PPARG: variants seen among roughly 807,000 people sequenced by gnomAD.
PPARG encodes peroxisome proliferator-activated receptor gamma.
A neutral mutation model predicts 39.2 loss-of-function variants in PPARG; 17 were observed. The observed-to-expected ratio is 0.43, with a 90% CI of 0.30 to 0.65. The LOEUF (loss-of-function observed/expected upper bound fraction) is 0.65. Among genes scored for constraint, PPARG ranks in the 30% least tolerant of loss-of-function variants. The probability of loss-of-function intolerance (pLI) is 0.13; values close to 1 mark genes in which losing one functional copy is unlikely to be tolerated. For synonymous variants in PPARG, 223 were observed against 215.7 expected (o/e 1.03, Z -0.30); for missense variants, 406 against 585.9 (o/e 0.69, Z 3.17).
chr3:12,351,647 G>T, intron 2 of PPARG: 3 of 1,611,180 alleles, frequency 1.9e-6, no homozygotes, highest in Non-Finnish European at 2.5e-6. Flanking sequence ...TTCCTTCACT[G>T]ATACACTGTC....
chr3:12,334,244 TC>T (rs200959193), intron 2 of PPARG, among the ~76,000 whole-genome samples: 38 of 150,446 alleles, frequency 2.5e-4, no homozygotes, highest in Admixed American at 4.6e-4. Context: ...TTTTTTTTTT[TC>T]TTTGAGACAG....
At chr3:12,359,794 C>T (rs1369152720) in intron 2 of PPARG, among the ~76,000 whole-genome samples, 1 of 151,666 alleles carries the variant, frequency 6.6e-6, no homozygotes, top group African/African-American at 2.4e-5. Context: ...CCTGCCTCAG[C>T]CTCCCGAGTA....
chr3:12,426,122 A>C (rs1259555810), intron 7 of PPARG, among the ~76,000 whole-genome samples: 1 of 152,124 alleles, frequency 6.6e-6, no homozygotes, highest in African/African-American at 2.4e-5. Flanking sequence ...CAAAGAAAAC[A>C]TTGGCTGGTT....
Position 12,333,777 on chromosome 3 carries a change from C to T in PPARG, c.-9+21324C>T, listed in dbSNP as rs76574073. On this transcript the variant is annotated intron_variant, in intron 2 of 7. Transcript: ENST00000651735. ...AGTCAGACAACAGACTTTGTTCATACGACATTAGTGACTGAGGTTCTGTTG... is the reference window on the plus strand; with the variant it reads ...AGTCAGACAACAGACTTTGTTCATATGACATTAGTGACTGAGGTTCTGTTG... Among the ~76,000 whole-genome samples, 1,019 of 152,182 alleles carry T rather than the reference C, an allele frequency of 6.7e-3. 5 individuals carry two copies. The highest frequency in any genetic ancestry group is 9.7e-3 in the Non-Finnish European group (659 of 68,002).
chr3:12,317,837 A>G (rs1479320795), intron 2 of PPARG, among the ~76,000 whole-genome samples: 2 of 152,230 alleles, frequency 1.3e-5, no homozygotes, highest in East Asian at 3.8e-4. Context: ...ATATTTTGGA[A>G]ATACATTTAA....
chr3:12,371,216 C>T (rs910514895), intron 2 of PPARG, among the ~76,000 whole-genome samples: 1 of 152,090 alleles, frequency 6.6e-6, no homozygotes, highest in South Asian at 2.1e-4. Context: ...TAATATTCTA[C>T]AGATGGAGAT....
chr3:12,350,318 T>C (rs1012720500), intron 2 of PPARG, among the ~76,000 whole-genome samples: 1 of 152,182 alleles, frequency 6.6e-6, no homozygotes, highest in African/African-American at 2.4e-5. Context: ...TATTCCGTGA[T>C]GTTCAGACCC....
intron 1 of PPARG, among the ~76,000 whole-genome samples, chr3:12,309,949 G>A (rs2047179480): frequency 2.6e-5 from 4 of 152,194 alleles, no homozygotes; most frequent in Admixed American, 2.6e-4. Context: ...TGGGTAGGGT[G>A]TTTATAATCG....
At chr3:12,427,254 C>A (rs1477909301) in intron 7 of PPARG, among the ~76,000 whole-genome samples, 2 of 61,906 alleles carry the variant, frequency 3.2e-5, no homozygotes, top group Admixed American at 3.3e-4. Flanking sequence ...ATCATTTCTT[C>A]AAGGAAGTAG....
chr3:12,296,106 A>G (rs1326651588), intron 1 of PPARG, among the ~76,000 whole-genome samples: 1 of 150,750 alleles, frequency 6.6e-6, no homozygotes, highest in Non-Finnish European at 1.5e-5. Context: ...ACAAAAATTA[A>G]CTGGGCGTGG....
At chr3:12,346,272 T>C (rs897546320) in intron 2 of PPARG, among the ~76,000 whole-genome samples, 3 of 152,180 alleles carry the variant, frequency 2.0e-5, no homozygotes, top group Non-Finnish European at 2.9e-5. Flanking sequence ...TTTTATACTG[T>C]CACCTAGGTA....
At chr3:12,344,487 T>A (rs532510558) in intron 2 of PPARG, among the ~76,000 whole-genome samples, 1 of 152,342 alleles carries the variant, frequency 6.6e-6, no homozygotes, top group South Asian at 2.1e-4. Flanking sequence ...GCCTGTGGTT[T>A]AATTGCCATC....
At chr3:12,408,964 C>G (rs2050778998) in intron 6 of PPARG, among the ~76,000 whole-genome samples, 1 of 152,242 alleles carries the variant, frequency 6.6e-6, no homozygotes. Context: ...GGCTCTAAAT[C>G]TTTGAGTTAA....
At chr3:12,416,073 G>A (rs1575140279) in intron 6 of PPARG, among the ~76,000 whole-genome samples, 2 of 152,186 alleles carry the variant, frequency 1.3e-5, no homozygotes, top group East Asian at 3.8e-4. Context: ...AGTAGATTTT[G>A]TATCATTTTA....
intron 7 of PPARG, among the ~76,000 whole-genome samples, chr3:12,433,471 T>C (rs1278479849): frequency 1.4e-5 from 2 of 147,650 alleles, no homozygotes; most frequent in African/African-American, 5.1e-5. Context: ...CCGGGAGGCA[T>C]AGGTTGTAGT....
intron 7 of PPARG, among the ~76,000 whole-genome samples, chr3:12,432,379 T>G (rs2051690920): frequency 6.6e-6 from 1 of 152,058 alleles, no homozygotes; most frequent in East Asian, 1.9e-4. Context: ...GATAAAACCA[T>G]AACTCTTCAG....
rs9843706 is a variant in PPARG, at chr3:12,432,298, A to G, written c.1181-1600A>G. The stretch of plus-strand genomic sequence containing the variant: ...TATCACCTACAAATACAAAAACTCT[A>G]TATAAAATATTAGCAAGTGAGTACA... On this transcript the variant is annotated intron_variant, in intron 7 of 7. Coordinates refer to ENST00000651735, the MANE Select transcript of PPARG (RefSeq NM_138711.6). Among the ~76,000 whole-genome samples, 580 of 152,350 alleles carry G rather than the reference A, an allele frequency of 3.8e-3. 4 individuals carry two copies. The highest frequency in any genetic ancestry group is 0.013 in the African/African-American group (551 of 41,578).
At chr3:12,289,507 C>T (rs955453264) in intron 1 of PPARG, among the ~76,000 whole-genome samples, 1 of 152,050 alleles carries the variant, frequency 6.6e-6, no homozygotes, top group Non-Finnish European at 1.5e-5. Context: ...TTATTTTAAC[C>T]CCAACTGTTT....
At chr3:12,292,544 G>A (rs1042794424) in intron 1 of PPARG, among the ~76,000 whole-genome samples, 34 of 152,144 alleles carry the variant, frequency 2.2e-4, no homozygotes, top group Non-Finnish European at 2.9e-5. Context: ...GGCTTGAAAG[G>A]TTCAGATATC....
Sources: allele counts gnomAD v4.1 joint callset (sites outside exome capture counted in the v4.1 genomes callset), GRCh38; gene constraint gnomAD v4.1.1; transcripts MANE v1.5; gene names NCBI Gene and HGNC (gene_info 2026-07-23, HGNC 2026-07-21).